Variants in CEP89 observed in about 807,000 individuals in gnomAD.
CEP89 encodes the protein centrosomal protein 89.
CEP89 carries 95 observed loss-of-function variants against 97.6 expected under a neutral mutation model. The observed-to-expected ratio is 0.97, with a 90% CI of 0.82 to 1.15. The LOEUF (loss-of-function observed/expected upper bound fraction) is 1.15. Ranked by LOEUF, CEP89 falls within the 50% of genes most tolerant of loss-of-function variation. The pLI, the probability that CEP89 is intolerant of heterozygous loss-of-function variation, is 0.00. For synonymous variants in CEP89, 354 were observed against 349.1 expected, an observed-to-expected ratio of 1.01 and a Z score of -0.16; for missense variants, 869 against 947.7, an observed-to-expected ratio of 0.92 and a Z score of 1.09.
intron 14 of CEP89, among the ~76,000 whole-genome samples, chr19:32,912,818 G>A (rs1284386474): frequency 6.6e-6 from 1 of 151,774 alleles, no homozygotes; most frequent in Admixed American, 6.6e-5. Context: ...TGAGGCGGGT[G>A]GATCACGAGG....
At chr19:32,949,356 G>C (rs1403617029) in intron 4 of CEP89, among the ~76,000 whole-genome samples, 1 of 152,040 alleles carries the variant, frequency 6.6e-6, no homozygotes, top group African/African-American at 2.4e-5. Context: ...GGCTGCCTAA[G>C]AGGAAGAGAA....
intron 3 of CEP89, among the ~76,000 whole-genome samples, chr19:32,957,076 C>T (rs1242255528): frequency 6.6e-6 from 1 of 152,208 alleles, no homozygotes; most frequent in Non-Finnish European, 1.5e-5. Flanking sequence ...TGTAGAAACA[C>T]TACGTTCACC....
chr19:32,931,698 G>A, intron 8 of CEP89, 127 bp from the exon 9 acceptor site: 1 of 652,864 alleles, frequency 1.5e-6, no homozygotes, highest in Non-Finnish European at 2.5e-6. Flanking sequence ...GTGTGTGCGT[G>A]TGTGTCTGTG....
At chr19:32,892,995 G>T (rs1419828198) in intron 16 of CEP89, among the ~76,000 whole-genome samples, 2 of 151,740 alleles carry the variant, frequency 1.3e-5, no homozygotes, top group Non-Finnish European at 2.9e-5. Flanking sequence ...AAAACAACCA[G>T]AAAACAATCA....
chr19:32,903,147 G>A (rs1188393283), intron 14 of CEP89, among the ~76,000 whole-genome samples: 1 of 150,498 alleles, frequency 6.6e-6, no homozygotes, highest in East Asian at 2.0e-4. Flanking sequence ...CTCAAAACCA[G>A]CCTGGGCAAC....
chr19:32,911,319 T>C (rs1969995233), intron 14 of CEP89, among the ~76,000 whole-genome samples: 1 of 152,210 alleles, frequency 6.6e-6, no homozygotes. Flanking sequence ...ATTATAAAGA[T>C]GAACATGATT....
intron 3 of CEP89, among the ~76,000 whole-genome samples, chr19:32,957,478 G>C (rs1198738074): frequency 6.6e-6 from 1 of 151,962 alleles, no homozygotes; most frequent in Non-Finnish European, 1.5e-5. Flanking sequence ...TCCAGCCTGG[G>C]TAATATCAGG....
At position 32,876,156 on chromosome 19, in the gene CEP89, G is replaced by C. The variant is rs929218623; in HGVS notation, c.*3006C>G. On this transcript the variant is annotated 3_prime_UTR_variant, in exon 19 of 19. Coordinates refer to ENST00000305768, the MANE Select transcript of CEP89 (RefSeq NM_032816.5). ...GGCAGGGTCTCACCTGGTTGCCCAG[G>C]CTGGAGTGCAGTGGCATGATCATAG... The C allele has an allele frequency of 6.6e-6, 1 of 152,380 alleles. No homozygotes were observed. 9.4% of individuals were successfully genotyped at this position (152,380 alleles called of 1,614,324 possible).
At chr19:32,910,001 C>T (rs1328609555) in intron 14 of CEP89, among the ~76,000 whole-genome samples, 2 of 152,228 alleles carry the variant, frequency 1.3e-5, no homozygotes, top group African/African-American at 2.4e-5. Flanking sequence ...TGGCTCATGC[C>T]TGTAATCCCA....
intron 10 of CEP89, 45 bp downstream of exon 10, chr19:32,926,889 T>C (rs1970369432): frequency 6.4e-7 from 1 of 1,567,908 alleles, no homozygotes; most frequent in Non-Finnish European, 8.8e-7. Context: ...GCTATGCAAA[T>C]ATACCCTGAA....
intron 3 of CEP89, among the ~76,000 whole-genome samples, chr19:32,955,406 T>C (rs1369864151): frequency 6.6e-6 from 1 of 152,244 alleles, no homozygotes; most frequent in African/African-American, 2.4e-5. Flanking sequence ...TTTCCTTCAC[T>C]TTCCATTGTT....
chr19:32,935,875 C>T (rs764893213), intron 7 of CEP89, among the ~76,000 whole-genome samples: 4 of 152,130 alleles, frequency 2.6e-5, no homozygotes, highest in African/African-American at 4.8e-5. Flanking sequence ...CCATAGGCTC[C>T]GAAGTGCCTG....
chr19:32,932,866 C>T (rs1319052644), intron 8 of CEP89, among the ~76,000 whole-genome samples: 1 of 152,004 alleles, frequency 6.6e-6, no homozygotes, highest in Non-Finnish European at 1.5e-5. Flanking sequence ...GGAAGGATCA[C>T]TTGAGCCCAG....
At chr19:32,916,904 A>T (rs1033282632) in intron 13 of CEP89, among the ~76,000 whole-genome samples, 10 of 152,106 alleles carry the variant, frequency 6.6e-5, no homozygotes, top group African/African-American at 2.2e-4. Flanking sequence ...GCTACCCGGG[A>T]GGTTGAGGCA....
At chr19:32,888,872 C>T (rs754844457) in intron 16 of CEP89, among the ~76,000 whole-genome samples, 46 of 151,530 alleles carry the variant, frequency 3.0e-4, no homozygotes, top group Non-Finnish European at 5.2e-4. Context: ...TGCAGTGGTG[C>T]GATCTCAGCT....
chr19:32,934,309 G>A (rs374668020), intron 7 of CEP89, among the ~76,000 whole-genome samples: 20 of 152,182 alleles, frequency 1.3e-4, no homozygotes, highest in African/African-American at 4.8e-4. Flanking sequence ...CTCTGCTGGG[G>A]AGACTGACGA....
chr19:32,923,296 T>C (rs889851667), intron 12 of CEP89, 143 bp downstream of exon 12: 14 of 496,462 alleles, frequency 2.8e-5, no homozygotes, highest in Non-Finnish European at 5.0e-5. Context: ...TAGGGTTTTA[T>C]TGTACCTTAT....
At chr19:32,949,293 C>A (rs2404980) in intron 4 of CEP89, among the ~76,000 whole-genome samples, 3 of 152,116 alleles carry the variant, frequency 2.0e-5, no homozygotes, top group African/African-American at 7.2e-5. Context: ...TGGGACCTGC[C>A]GCTGATGAGG....
chr19:32,901,438 C>T (rs1054203029), intron 14 of CEP89, 26 bp from the exon 15 acceptor site: 1 of 1,604,780 alleles, frequency 6.2e-7, no homozygotes. Flanking sequence ...ATTACATGCT[C>T]GTATCCAGCA....
Sources: allele counts gnomAD v4.1 joint callset (sites outside exome capture counted in the v4.1 genomes callset), GRCh38; gene constraint gnomAD v4.1.1; transcripts MANE v1.5; gene names NCBI Gene and HGNC (gene_info 2026-07-23, HGNC 2026-07-21).